The following FRY variants were observed in gnomAD, a reference collection of about 807,000 sequenced individuals.
FRY encodes the protein protein furry homolog.
Under a neutral mutation model 348.4 loss-of-function variants are expected in FRY, and 128 were observed. The observed-to-expected ratio is 0.37, with a 90% CI of 0.32 to 0.43. FRY has a LOEUF of 0.43. Ranked by LOEUF, FRY falls within the 20% of genes least tolerant of loss-of-function variation. The pLI is 1.00. For synonymous variants in FRY, 1,370 were observed against 1,374.7 expected (o/e 1.00, Z 0.08); for missense variants, 2,736 against 3,695.2 (o/e 0.74, Z 6.73).
intron 54 of FRY, among the ~76,000 whole-genome samples, 159 bp from the exon 55 acceptor site, chr13:32,267,011 G>C (rs1043918870): frequency 2.6e-5 from 4 of 152,138 alleles, no homozygotes; most frequent in Non-Finnish European, 4.4e-5. Flanking sequence ...GAATCACAGT[G>C]ACTGCTGAAT....
At chr13:32,244,762 T>C (rs893587691) in intron 47 of FRY, among the ~76,000 whole-genome samples, 4 of 152,198 alleles carry the variant, frequency 2.6e-5, no homozygotes, top group Non-Finnish European at 5.9e-5. Flanking sequence ...GACTAGTCTC[T>C]CGGTTTCTGT....
chr13:32,254,668 T>C (rs1887246323), intron 51 of FRY, among the ~76,000 whole-genome samples: 1 of 152,094 alleles, frequency 6.6e-6, no homozygotes, highest in African/African-American at 2.4e-5. Context: ...TGTATGTGTG[T>C]GTGTAGTCCC....
At chr13:32,263,026 G>A (rs1274800773) in intron 53 of FRY, among the ~76,000 whole-genome samples, 1 of 152,102 alleles carries the variant, frequency 6.6e-6, no homozygotes, top group Non-Finnish European at 1.5e-5. Flanking sequence ...GTAACTAATG[G>A]ATGTAATTTT....
intron 46 of FRY, 143 bp from the exon 47 acceptor site, chr13:32,243,899 C>A: frequency 1.2e-6 from 1 of 855,364 alleles, no homozygotes; most frequent in Non-Finnish European, 1.9e-6. Flanking sequence ...CGAGACTAGG[C>A]TGGGCAACAT....
chr13:32,167,890 C>A (rs1162596185), intron 17 of FRY, among the ~76,000 whole-genome samples: 2 of 152,176 alleles, frequency 1.3e-5, no homozygotes, highest in Non-Finnish European at 2.9e-5. Context: ...GATGACTCAG[C>A]TGCTTGGCGA....
At chr13:32,187,197 T>C (rs1883075676) in intron 27 of FRY, among the ~76,000 whole-genome samples, 1 of 152,206 alleles carries the variant, frequency 6.6e-6, no homozygotes, top group Non-Finnish European at 1.5e-5. Context: ...ATTTATCTTA[T>C]AAGCAGAATT....
Position 32,267,246 on chromosome 13 carries a change from G to T in FRY, c.8023G>T (p.Ala2675Ser). 2 of 1,600,194 alleles carry T rather than the reference G, an allele frequency of 1.2e-6. No homozygotes were observed. The highest frequency in any genetic ancestry group is 1.7e-5 in the Admixed American group (1 of 59,424). Residue 2675 changes from alanine (A) to serine (S), a missense_variant, in exon 55 of 61, where the codon GCA (alanine) becomes TCA (serine). By Grantham distance (99) the Ala-to-Ser change is moderately conservative. Transcript: ENST00000542859. ...AGCCATCCTTGCCGCCTTTCAGCCCGCAGCCTGTGACGATGCCGAGGAGGC... is the reference window on the plus strand; with the variant it reads ...AGCCATCCTTGCCGCCTTTCAGCCCTCAGCCTGTGACGATGCCGAGGAGGC... ...FSAILAAFQPAACDDAEEAWR... is the reference protein window; with the variant it reads ...FSAILAAFQPSACDDAEEAWR...
Position 32,157,345 on chromosome 13 carries a change from G to A in FRY, c.1724G>A (p.Gly575Glu). 1.2e-6 allele frequency: 2 copies of A among 1,612,270 alleles called. No individual in the cohort carries two copies. The highest frequency in any genetic ancestry group is 1.7e-6 in the Non-Finnish European group (2 of 1,178,422). Reference sequence around the variant, plus strand: ...TTAAGGCACCTTGATAAAGAAGTAGGAAGGTGTATGATGCTGACTAATGTA... The same window carrying A: ...TTAAGGCACCTTGATAAAGAAGTAGAAAGGTGTATGATGCTGACTAATGTA... Reference protein sequence around the residue: ...NILRHLDKEVGRCMMLTNVQM... With the variant: ...NILRHLDKEVERCMMLTNVQM... Residue 575 changes from glycine (G) to glutamate (E), a missense_variant, in exon 16 of 61, where the codon GGA becomes GAA. Around this residue, in one of 9 missense-constraint regions of FRY, gnomAD observed 191 missense variants for 370.2 expected, o/e 0.52. Coordinates refer to ENST00000542859, the MANE Select transcript of FRY (RefSeq NM_023037.3).
In FRY at chr13:32,162,769, C is replaced by T. The variant is rs1011028259; in HGVS notation, c.1892+1518C>T. 3.9e-5 allele frequency among the ~76,000 whole-genome samples: 6 copies of T among 152,302 alleles called. No homozygotes were observed. In the South Asian group the frequency reaches 1.2e-3, roughly 32 times the overall value. On this transcript the variant is annotated intron_variant, in intron 17 of 60. Transcript: ENST00000542859. ...AGTCTCTTTCTGCTGTCATCAGCAG[C>T]CTTCCAGCCGTGGATCCTTCTTCCT...
chr13:32,054,646 G>A (rs149850439), intron 1 of FRY, among the ~76,000 whole-genome samples: 159 of 152,244 alleles, frequency 1.0e-3, no homozygotes, highest in African/African-American at 3.3e-3. Flanking sequence ...GGCCGAGGCA[G>A]GCGGATCACA....
At chr13:32,261,446 C>A in intron 51 of FRY, 170 bp from the exon 52 acceptor site, 1 of 769,456 alleles carries the variant, frequency 1.3e-6, no homozygotes, top group Non-Finnish European at 2.4e-6. Flanking sequence ...AAATAGTGTG[C>A]TTTTACTACT....
rs149734853 is a variant in FRY at position 32,151,496 on chromosome 13, G to T, written c.1479+1662G>T. ...AGATGTCATACACTTGATGAAACAT[G>T]CTGTAGGGCATTGTTTCTCGGGAAA... On this transcript the variant is annotated intron_variant, in intron 14 of 60. Coordinates refer to ENST00000542859, the MANE Select transcript of FRY (RefSeq NM_023037.3). Among the ~76,000 whole-genome samples, 583 of 152,332 alleles carry T rather than the reference G, an allele frequency of 3.8e-3. 3 individuals carry two copies. Among genetic ancestry groups the T allele is most frequent in the African/African-American group, 0.013 (560 of 41,578 alleles).
intron 11 of FRY, among the ~76,000 whole-genome samples, chr13:32,139,419 C>G (rs1315050074): frequency 6.6e-6 from 1 of 152,168 alleles, no homozygotes; most frequent in African/African-American, 2.4e-5. Context: ...CACATGCTGA[C>G]CTTTGGTAGC....
intron 1 of FRY, among the ~76,000 whole-genome samples, chr13:32,051,065 T>C (rs1042866253): frequency 6.6e-6 from 1 of 152,228 alleles, no homozygotes; most frequent in Admixed American, 6.5e-5. Flanking sequence ...ATAGAGGTAA[T>C]AACTTAATCT....
chr13:32,182,085 A>T (rs1566115933), intron 23 of FRY, among the ~76,000 whole-genome samples: 1 of 152,194 alleles, frequency 6.6e-6, no homozygotes, highest in Non-Finnish European at 1.5e-5. Context: ...CTGGCTAGTG[A>T]TGTTTAATAG....
rs1184293661 is a variant in FRY at position 32,275,002 on chromosome 13, C to G, written c.8286+11C>G. 1 of 1,611,186 alleles carries G rather than the reference C, an allele frequency of 6.2e-7. No homozygotes were observed. Among genetic ancestry groups the G allele is most frequent in the African/African-American group, 1.3e-5 (1 of 74,984 alleles). On this transcript the variant is annotated intron_variant, in intron 56 of 60. Transcript: ENST00000542859. ...GTGGATGCCGAGACTGTGAGTATCC[C>G]AGTCCTGCTCTGACAGTGAAGGGCC...
rs939518175 is a variant in FRY at position 32,202,764 on chromosome 13, A to T, written c.4018+237A>T. 5.9e-5 allele frequency among the ~76,000 whole-genome samples: 9 copies of T among 152,244 alleles called. No individual in the cohort carries two copies. The East Asian group carries it at 1.7e-3, about 29-fold the overall frequency. Reference sequence around the variant, plus strand: ...CAGGAGTTTGAGACCAGCCTGGCCAACATGGTGAAACCCTGTCACTACTAA... The same window carrying T: ...CAGGAGTTTGAGACCAGCCTGGCCATCATGGTGAAACCCTGTCACTACTAA... On this transcript the variant is annotated intron_variant, in intron 31 of 60. Coordinates refer to ENST00000542859, the MANE Select transcript of FRY (RefSeq NM_023037.3).
Position 32,237,542 on chromosome 13 carries a change from G to A in FRY, c.5974G>A (p.Asp1992Asn), listed in dbSNP as rs1386567076. Residue 1992 changes from aspartate (D) to asparagine (N), a missense_variant, in exon 44 of 61, where the codon GAC becomes AAC. Coordinates refer to ENST00000542859, the MANE Select transcript of FRY (RefSeq NM_023037.3). The surrounding 1 kb of genome is among the most constrained non-coding windows in gnomAD (Gnocchi z 6.3). ...FSVPKKFGVI[D>N]RSSDPPRSAT... ...TGTGCCCAAGAAGTTTGGTGTCATC[G>A]ACCGATCCTCTGACCCACCTCGAAG... 3.1e-6 allele frequency: 5 copies of A among 1,613,996 alleles called. No individual in the cohort carries two copies. Among genetic ancestry groups the A allele is most frequent in the South Asian group, 2.2e-5 (2 of 91,052 alleles).
Position 32,078,820 on chromosome 13 carries a change from A to G in FRY, c.71-14A>G. 6.2e-7 allele frequency: 1 copy of G among 1,604,762 alleles called. No homozygotes were observed. The highest frequency in any genetic ancestry group is 8.5e-7 in the Non-Finnish European group (1 of 1,171,664). On this transcript the variant is annotated splice_polypyrimidine_tract_variant and intron_variant, in intron 1 of 60. Coordinates refer to ENST00000542859, the MANE Select transcript of FRY (RefSeq NM_023037.3). Reference sequence around the variant, plus strand: ...TTATTATCAGCCAGTAAGAATGCCCATTCTGTTTTTCAGCTTCTCCCGTTG... The same window carrying G: ...TTATTATCAGCCAGTAAGAATGCCCGTTCTGTTTTTCAGCTTCTCCCGTTG...
Sources: allele counts gnomAD v4.1 joint callset (sites outside exome capture counted in the v4.1 genomes callset), GRCh38; gene constraint gnomAD v4.1.1; regional missense constraint gnomAD v4.1.1; non-coding constraint Gnocchi (gnomAD v3.1); transcripts MANE v1.5; gene names NCBI Gene and HGNC (gene_info 2026-07-23, HGNC 2026-07-21).